The following AUTS2 variants were observed in gnomAD, a reference collection of about 807,000 sequenced individuals.
AUTS2 encodes activator of transcription and developmental regulator AUTS2, also known as autism susceptibility gene 2 protein.
In AUTS2, 17 loss-of-function variants were observed where a neutral mutation model predicts 112.4. The ratio of observed to expected loss-of-function variants is 0.15; its 90% CI spans 0.10 to 0.23. The LOEUF (loss-of-function observed/expected upper bound fraction) is 0.23. AUTS2 is among the 10% of genes least tolerant of loss of function. The pLI is 1.00. For synonymous variants in AUTS2, 751 were observed against 702.7 expected (o/e 1.07, Z -1.09); for missense variants, 1,510 against 1,701.6 (o/e 0.89, Z 1.98).
chr7:70,195,701 A>C (rs1810136356), intron 4 of AUTS2, among the ~76,000 whole-genome samples: 1 of 152,316 alleles, frequency 6.6e-6, no homozygotes, highest in Admixed American at 6.5e-5. Context: ...GAATAGTAGA[A>C]GACAATGGGA....
chr7:70,005,564 C>T (rs1799510574), intron 2 of AUTS2, among the ~76,000 whole-genome samples: 1 of 152,118 alleles, frequency 6.6e-6, no homozygotes, highest in South Asian at 2.1e-4. Flanking sequence ...GCTGTTATAA[C>T]AGGCATGTGC....
rs1203090395 is a variant in AUTS2 at position 70,326,251 on chromosome 7, G to A, written c.661-109501G>A. 2.0e-5 allele frequency among the ~76,000 whole-genome samples: 3 copies of A among 152,136 alleles called. No homozygotes were observed. In the East Asian group the frequency reaches 5.8e-4, roughly 29 times the overall value. On this transcript the variant is annotated intron_variant, in intron 4 of 18. Transcript: ENST00000342771. ...TATCCTCTCCCATAGGCCTTTTCTA[G>A]GCTTTTTACCCACTTCCAGCCTGTC...
intron 5 of AUTS2, among the ~76,000 whole-genome samples, chr7:70,689,332 G>C (rs1026724456): frequency 1.3e-5 from 2 of 152,140 alleles, no homozygotes; most frequent in Non-Finnish European, 2.9e-5. Context: ...AGTGAGCTGT[G>C]ATGGCACCAC....
At chr7:69,883,568 G>A (rs1007723145) in intron 1 of AUTS2, among the ~76,000 whole-genome samples, 1 of 152,156 alleles carries the variant, frequency 6.6e-6, no homozygotes, top group Non-Finnish European at 1.5e-5. Context: ...GGTCATCAGA[G>A]CAGGGCCGAT....
At chr7:69,776,504 C>T (rs1193070329) in intron 1 of AUTS2, among the ~76,000 whole-genome samples, 1 of 152,194 alleles carries the variant, frequency 6.6e-6, no homozygotes, top group Non-Finnish European at 1.5e-5. Flanking sequence ...CAACCTTGAA[C>T]TCCTGGGCTC....
Position 70,075,544 on chromosome 7 carries a change from A to G in AUTS2, c.523-42588A>G, listed in dbSNP as rs183999926. On this transcript the variant is annotated intron_variant, in intron 2 of 18. Transcript: ENST00000342771. ...TACTAAAAGGCATTATCTATTCAGT[A>G]TCCTTAATGTACAAATAATAAAAGA... 2.6e-5 allele frequency among the ~76,000 whole-genome samples: 4 copies of G among 152,338 alleles called. No individual in the cohort carries two copies. The East Asian group carries it at 7.7e-4, about 29-fold the overall frequency.
rs548893669 is a variant in AUTS2, at chr7:70,519,827, T to G, written c.690+84046T>G. The stretch of plus-strand genomic sequence containing the variant: ...GAGCAGCTTCTACTTGATTGGGTGT[T>G]CTGTCAGCTGGCCATGAGGAGGGGC... On this transcript the variant is annotated intron_variant, in intron 5 of 18. Coordinates refer to ENST00000342771, the MANE Select transcript of AUTS2 (RefSeq NM_015570.4). Among the ~76,000 whole-genome samples the G allele has an allele frequency of 6.6e-5, 10 of 152,248 alleles. No individual in the cohort carries two copies. In the South Asian group the frequency reaches 1.7e-3, roughly 25 times the overall value.
Position 70,525,953 on chromosome 7 carries a change from C to T in AUTS2, c.690+90172C>T, listed in dbSNP as rs1799823827. On this transcript the variant is annotated intron_variant, in intron 5 of 18. Coordinates refer to ENST00000342771, the MANE Select transcript of AUTS2 (RefSeq NM_015570.4). ...TCATCTTCTGGCGGGAGAGGGTTAG[C>T]TCCTGCCCAGTGTCCTCACGTACGA... Among the ~76,000 whole-genome samples, 3 of 152,352 alleles carry T rather than the reference C, an allele frequency of 2.0e-5. No individual in the cohort carries two copies. In the South Asian group the frequency reaches 6.2e-4, roughly 32 times the overall value.
chr7:70,655,481 A>G (rs919918852), intron 5 of AUTS2, among the ~76,000 whole-genome samples: 2 of 152,176 alleles, frequency 1.3e-5, no homozygotes, highest in Admixed American at 6.5e-5. Flanking sequence ...CATGGATGCA[A>G]GAAGGTTACT....
At chr7:70,528,862 G>A (rs117581777) in intron 5 of AUTS2, among the ~76,000 whole-genome samples, 1,572 of 152,066 alleles carry the variant, frequency 0.01, 19 homozygotes, top group Non-Finnish European at 0.014. Context: ...GAGCCCCAGG[G>A]CACAAAGAGA....
chr7:69,635,344 A>G (rs1209061214), intron 1 of AUTS2, among the ~76,000 whole-genome samples: 2 of 152,240 alleles, frequency 1.3e-5, no homozygotes, highest in African/African-American at 4.8e-5. Flanking sequence ...AATACAAAAC[A>G]AAAAGCACCT....
At chr7:70,775,847 T>A (rs1790653193) in intron 13 of AUTS2, among the ~76,000 whole-genome samples, 1 of 152,222 alleles carries the variant, frequency 6.6e-6, no homozygotes, top group South Asian at 2.1e-4. Context: ...AAGCATCTGG[T>A]TTGTTAACAT....
chr7:69,732,389 TG>T (rs1479605649), intron 1 of AUTS2, among the ~76,000 whole-genome samples: 1 of 151,906 alleles, frequency 6.6e-6, no homozygotes, highest in Admixed American at 6.6e-5. Flanking sequence ...AATATGGATT[TG>T]GGGGTGTGTG....
chr7:69,922,528 A>G (rs1478269953), intron 2 of AUTS2, among the ~76,000 whole-genome samples: 2 of 152,340 alleles, frequency 1.3e-5, no homozygotes, highest in East Asian at 3.9e-4. Flanking sequence ...AAATGTGAGA[A>G]GAGAAACCAC....
chr7:70,372,658 C>CT (rs1217902933), intron 4 of AUTS2, among the ~76,000 whole-genome samples: 3,158 of 140,336 alleles, frequency 0.023, 121 homozygotes, highest in African/African-American at 0.073. Context: ...TCCTTTCTTT[C>CT]TTTTTTTTTT....
rs139560660 is a variant in AUTS2 at position 70,706,366 on chromosome 7, G to T, written c.742+7746G>T. Reference sequence around the variant, plus strand: ...CCAAAAATCTCATTGGCCAGACAAAGTCACATGACCAAGCCTGCCATCAAT... The same window carrying T: ...CCAAAAATCTCATTGGCCAGACAAATTCACATGACCAAGCCTGCCATCAAT... On this transcript the variant is annotated intron_variant, in intron 6 of 18. Transcript: ENST00000342771. 9.1e-3 allele frequency among the ~76,000 whole-genome samples: 1,388 copies of T among 152,286 alleles called. 28 individuals carry two copies. The highest frequency in any genetic ancestry group is 0.032 in the African/African-American group (1,312 of 41,540).
chr7:70,713,623 G>A (rs1302893994), intron 6 of AUTS2, among the ~76,000 whole-genome samples: 1 of 152,160 alleles, frequency 6.6e-6, no homozygotes, highest in African/African-American at 2.4e-5. Flanking sequence ...GGCCGGGCGT[G>A]GTGGCTCACG....
intron 4 of AUTS2, chr7:70,293,448 T>C (rs886599494): frequency 6.6e-6 from 1 of 152,192 alleles, no homozygotes; most frequent in African/African-American, 2.4e-5. Context: ...GTCAGAGATA[T>C]ATTACATGGT....
At chr7:70,613,641 A>G (rs1163245556) in intron 5 of AUTS2, among the ~76,000 whole-genome samples, 1 of 152,076 alleles carries the variant, frequency 6.6e-6, no homozygotes, top group African/African-American at 2.4e-5. Context: ...AGCAGGGAGG[A>G]GGCTTTTTGC....
Sources: allele counts gnomAD v4.1 joint callset (sites outside exome capture counted in the v4.1 genomes callset), GRCh38; gene constraint gnomAD v4.1.1; transcripts MANE v1.5; gene names NCBI Gene and HGNC (gene_info 2026-07-23, HGNC 2026-07-21).